The following PNN variants were observed in gnomAD, a reference collection of about 807,000 sequenced individuals.
The protein encoded by PNN is pinin.
In PNN, 38 loss-of-function variants were observed where a neutral mutation model predicts 76.6. The observed-to-expected ratio is 0.50, with a 90% CI of 0.38 to 0.65. The LOEUF is 0.65. PNN is among the 30% of genes least tolerant of loss of function. PNN has a pLI of 0.00. For synonymous variants in PNN, 366 were observed against 283.7 expected, an observed-to-expected ratio of 1.29 and a Z score of -2.91; for missense variants, 873 against 874.1, an observed-to-expected ratio of 1.00 and a Z score of 0.02.
At position 39,181,568 on chromosome 14, in the gene PNN, ATAG is replaced by A. The variant is rs745836958; in HGVS notation, c.1863_1865del (p.Ser624del). The A allele has an allele frequency of 5.6e-6, 9 of 1,612,846 alleles. No individual in the cohort carries two copies. Among genetic ancestry groups the A allele is most frequent in the Admixed American group, 3.3e-5 (2 of 59,788 alleles). On this transcript the variant is annotated inframe_deletion, in exon 9 of 9. Transcript: ENST00000216832. ...AGTACAAGTGGCAGCAGCAGCAGAG[ATAG>A]TAGCAGTAGCACTAGTAGTAGTAGT... is the stretch of plus-strand genomic sequence containing the variant.
rs2053212174 is a variant in PNN at position 39,175,448 on chromosome 14, G to A, written c.113+56G>A. Reference sequence around the variant, plus strand: ...AGCTCGGAGAGGCAGCCCTCAGGTCGGGGTGAATTGGGGGCGGGGAGGGCG... The same window carrying A: ...AGCTCGGAGAGGCAGCCCTCAGGTCAGGGTGAATTGGGGGCGGGGAGGGCG... On this transcript the variant is annotated intron_variant, in intron 1 of 8. Transcript: ENST00000216832. The A allele has an allele frequency of 4.8e-6, 5 of 1,040,832 alleles. No homozygotes were observed. In the Admixed American group the frequency reaches 5.5e-5, roughly 11 times the overall value. 64.5% of individuals were successfully genotyped at this position (1,040,832 alleles called of 1,614,324 possible).
chr14:39,179,808 A>C (rs768818827), intron 8 of PNN, among the ~76,000 whole-genome samples: 1 of 152,060 alleles, frequency 6.6e-6, no homozygotes, highest in Non-Finnish European at 1.5e-5. Flanking sequence ...AGGCTGAGGC[A>C]GGAGAATCAC....
At chr14:39,175,557 C>T (rs924513642) in intron 1 of PNN, among the ~76,000 whole-genome samples, 165 bp downstream of exon 1, 2 of 152,184 alleles carry the variant, frequency 1.3e-5, no homozygotes, top group African/African-American at 4.8e-5. Flanking sequence ...GGAGAGGCCC[C>T]AGGTCCCCTC....
chr14:39,176,283 C>G (rs1044513868), intron 2 of PNN, 134 bp downstream of exon 2: 2 of 649,918 alleles, frequency 3.1e-6, no homozygotes, highest in African/African-American at 1.8e-5. Flanking sequence ...TTGTAATAGA[C>G]TAGATTTCTG....
At position 39,177,807 on chromosome 14, in the gene PNN, T is replaced by A. The variant is rs201450370; in HGVS notation, c.423-34T>A. ...TGATGGGTTTAAATGAAATGGATCC[T>A]GTTGACAGTAAATTTTCTTATTCTG... On this transcript the variant is annotated intron_variant, in intron 5 of 8. Coordinates refer to ENST00000216832, the MANE Select transcript of PNN (RefSeq NM_002687.4). 3,414 of 1,523,288 alleles carry A rather than the reference T, an allele frequency of 2.2e-3. 2 individuals carry two copies. Among genetic ancestry groups the A allele is most frequent in the Non-Finnish European group, 2.8e-3 (3,088 of 1,097,498 alleles). 94.4% of individuals were successfully genotyped at this position (1,523,288 alleles called of 1,614,324 possible). A position where few individuals can be genotyped will look rare whatever the true frequency, so the allele number is the denominator to read the frequency against.
At position 39,181,971 on chromosome 14, in the gene PNN, T is replaced by TA. The variant is rs555875638; in HGVS notation, c.*114dup. ...ATGCTGCCTTAAGAATTGCATGTTG[T>TA]AAAAAATCTTTTTGGAAAATACAGA... On this transcript the variant is annotated 3_prime_UTR_variant, in exon 9 of 9. Coordinates refer to ENST00000216832, the MANE Select transcript of PNN (RefSeq NM_002687.4). 2.1e-4 allele frequency: 243 copies of TA among 1,159,490 alleles called. 1 individual carries two copies. Among genetic ancestry groups the TA allele is most frequent in the Non-Finnish European group, 2.7e-4 (228 of 847,094 alleles). 71.8% of individuals were successfully genotyped at this position (1,159,490 alleles called of 1,614,324 possible).
intron 1 of PNN, 55 bp from the exon 2 acceptor site, chr14:39,176,023 G>A (rs2053220382): frequency 4.5e-6 from 4 of 895,988 alleles, no homozygotes; most frequent in Non-Finnish European, 7.4e-6. Context: ...AAGTATTTGG[G>A]TGCGACTGTG....
rs570017367 is a variant in PNN, at chr14:39,178,683, T to C, written c.499-408T>C. Among the ~76,000 whole-genome samples the C allele has an allele frequency of 2.7e-3, 372 of 139,494 alleles. 4 individuals carry two copies. Among genetic ancestry groups the C allele is most frequent in the African/African-American group, 9.8e-3 (362 of 36,908 alleles). The allele number at this position is 139,494 out of a possible 152,430, so 91.5% of individuals were successfully genotyped here. A position where few individuals can be genotyped will look rare whatever the true frequency, so the allele number is the denominator to read the frequency against. On this transcript the variant is annotated intron_variant, in intron 6 of 8. Coordinates refer to ENST00000216832, the MANE Select transcript of PNN (RefSeq NM_002687.4). ...CCTCCCAGAGTGCTGGGATGACAGGTGTGAGCCACTGTGCCCGGCCTGCAG... is the reference window on the plus strand; with the variant it reads ...CCTCCCAGAGTGCTGGGATGACAGGCGTGAGCCACTGTGCCCGGCCTGCAG...
In PNN at chr14:39,180,991, G is replaced by A. The variant is rs1176030669; in HGVS notation, c.1282G>A (p.Glu428Lys). 4.3e-6 allele frequency: 7 copies of A among 1,613,346 alleles called. No homozygotes were observed. Among genetic ancestry groups the A allele is most frequent in the African/African-American group, 1.3e-5 (1 of 74,862 alleles). Residue 428 changes from glutamate to lysine, a missense_variant, in exon 9 of 9, where the codon GAA becomes AAA. Physicochemically the swap from Glu to Lys is moderately conservative, Grantham distance 56. This residue lies in a region of PNN where 712 missense variants were observed against 693.1 expected (regional missense o/e 1.03). Transcript: ENST00000216832. ...ENEASKELEP[E>K]MEFEIEPDKE... The stretch of plus-strand genomic sequence containing the variant: ...TGAAGCTAGCAAAGAATTGGAACCA[G>A]AAATGGAATTTGAAATTGAGCCAGA...
Position 39,179,469 on chromosome 14 carries a change from A to G in PNN, c.793+7A>G. 2 of 1,609,128 alleles carry G rather than the reference A, an allele frequency of 1.2e-6. No individual in the cohort carries two copies. Among genetic ancestry groups the G allele is most frequent in the Non-Finnish European group, 8.5e-7 (1 of 1,177,956 alleles). On this transcript the variant is annotated splice_region_variant and intron_variant, in intron 8 of 8. Transcript: ENST00000216832. ...TCACAGAGAAAAATGAACGGTAAGT[A>G]TGCGAAGAGGTCCATTGAATTGTTC...
At chr14:39,175,975 C>G in intron 1 of PNN, 103 bp from the exon 2 acceptor site, 1 of 671,650 alleles carries the variant, frequency 1.5e-6, no homozygotes, top group East Asian at 2.7e-5. Context: ...CTTTTTGGAA[C>G]TTTTGTGATT....
chr14:39,182,771 T>G lies in PNN; in HGVS notation c.*908T>G, dbSNP rs1275897533. ...AAGAATTTTGTTTAAGGAAGTATTGTATGGAAGTCCACAAAATGAAGGAAG... is the reference window on the plus strand; with the variant it reads ...AAGAATTTTGTTTAAGGAAGTATTGGATGGAAGTCCACAAAATGAAGGAAG... On this transcript the variant is annotated 3_prime_UTR_variant, in exon 9 of 9. Coordinates refer to ENST00000216832, the MANE Select transcript of PNN (RefSeq NM_002687.4). The G allele has an allele frequency of 6.5e-6, 1 of 152,696 alleles. No individual in the cohort carries two copies. The allele number at this position is 152,696 out of a possible 1,614,324, so 9.5% of individuals were successfully genotyped here.
At chr14:39,175,473 G>A in intron 1 of PNN, 81 bp downstream of exon 1, 3 of 863,762 alleles carry the variant, frequency 3.5e-6, no homozygotes, top group Non-Finnish European at 5.8e-6. Flanking sequence ...CGGGGAGGGC[G>A]GCCAGCCTTA....
rs1173537834 is a variant in PNN at position 39,181,097 on chromosome 14, A to T, written c.1388A>T (p.Glu463Val). 3.1e-6 allele frequency: 5 copies of T among 1,613,802 alleles called. No individual in the cohort carries two copies. Among genetic ancestry groups the T allele is most frequent in the Non-Finnish European group, 4.2e-6 (5 of 1,179,788 alleles). The change falls in exon 9 of 9, where the codon GAA becomes GTA. Residue 463 changes from glutamate to valine, a missense_variant. Physicochemically the swap from Glu to Val is moderately radical, Grantham distance 121. Transcript: ENST00000216832. ...GAAAAGGAGTCTGAGGAAAAAGAAG[A>T]AAAAGAATCTGAGCCCCAACCTGAG... ...DMEKESEEKE[E>V]KESEPQPEPV... is the part of the protein sequence containing the mutation.
Position 39,179,159 on chromosome 14 carries a change from A to G in PNN, c.567A>G (p.Glu189=). 1.2e-6 allele frequency: 2 copies of G among 1,614,108 alleles called. No homozygotes were observed. The highest frequency in any genetic ancestry group is 1.7e-6 in the Non-Finnish European group (2 of 1,180,012). The change falls in exon 7 of 9, where the codon GAA becomes GAG. Residue 189 remains glutamate, a synonymous_variant. Transcript: ENST00000216832. ...VQAEEERKQV[E]NERRELFEER... ...CAGAAGAAGAGAGAAAGCAGGTTGA[A>G]AATGAAAGGAGAGAACTGTTTGAAG... is the stretch of plus-strand genomic sequence containing the variant.
intron 8 of PNN, among the ~76,000 whole-genome samples, chr14:39,180,016 C>T (rs912520545): frequency 2.0e-5 from 3 of 151,868 alleles, no homozygotes; most frequent in Admixed American, 2.0e-4. Flanking sequence ...CATCTGTATT[C>T]CTTAAGCATT....
rs1274159448 is a variant in PNN at position 39,182,161 on chromosome 14, A to G, written c.*298A>G. 9.3e-6 allele frequency: 2 copies of G among 215,784 alleles called. No individual in the cohort carries two copies. Among genetic ancestry groups the G allele is most frequent in the South Asian group, 1.0e-4 (1 of 10,032 alleles). 13.4% of individuals were successfully genotyped at this position (215,784 alleles called of 1,614,324 possible). On this transcript the variant is annotated 3_prime_UTR_variant, in exon 9 of 9. Transcript: ENST00000216832. Reference sequence around the variant, plus strand: ...CCTATACTCTTCAGTAAGAATCTGTATATTTTAATAGGCAAATCTTTAAGT... The same window carrying G: ...CCTATACTCTTCAGTAAGAATCTGTGTATTTTAATAGGCAAATCTTTAAGT...
intron 4 of PNN, 39 bp downstream of exon 4, chr14:39,177,523 T>G (rs187421070): frequency 1.3e-6 from 2 of 1,595,756 alleles, no homozygotes; most frequent in Admixed American, 3.3e-5. Context: ...TGTAGTACCT[T>G]CACTTTACTA....
chr14:39,181,713 A>T lies in PNN; in HGVS notation c.2004A>T (p.Lys668Asn). The T allele has an allele frequency of 2.5e-6, 4 of 1,614,164 alleles. No individual in the cohort carries two copies. The highest frequency in any genetic ancestry group is 3.4e-6 in the Non-Finnish European group (4 of 1,180,020). The change falls in exon 9 of 9, where the codon AAA (lysine) becomes AAT (asparagine). Residue 668 changes from lysine (K) to asparagine (N), a missense_variant. Transcript: ENST00000216832. Reference sequence around the variant, plus strand: ...TAGAAAGAAGTCACAAATCTTCAAAAGGTGGTAGTAGTAGAGATACAAAAG... The same window carrying T: ...TAGAAAGAAGTCACAAATCTTCAAATGGTGGTAGTAGTAGAGATACAAAAG... ...SGLERSHKSS[K>N]GGSSRDTKGS... is the part of the protein sequence containing the mutation.
Sources: gnomAD v4.1 joint callset for allele counts (sites outside exome capture counted in the v4.1 genomes callset) on GRCh38, gnomAD v4.1.1 for gene constraint, gnomAD v4.1.1 regional missense constraint, MANE v1.5 for transcripts, NCBI Gene and HGNC (gene_info 2026-07-23, HGNC 2026-07-21) for gene names.